Variants in KCNJ6 observed in about 807,000 individuals in gnomAD.
The protein encoded by KCNJ6 is potassium inwardly rectifying channel subfamily J member 6.
A neutral mutation model predicts 34.2 loss-of-function variants in KCNJ6; 9 were observed. The ratio of observed to expected loss-of-function variants is 0.26; its 90% confidence interval spans 0.16 to 0.46. The LOEUF (loss-of-function observed/expected upper bound fraction) is 0.46. Ranked by LOEUF, KCNJ6 falls within the 20% of genes least tolerant of loss-of-function variation. KCNJ6 has a pLI of 1.00. For missense variants in KCNJ6, 236 were observed against 531.3 expected (o/e 0.44, Z 5.46); for synonymous variants, 196 against 207.1 (o/e 0.95, Z 0.46).
intron 2 of KCNJ6, among the ~76,000 whole-genome samples, chr21:37,762,094 T>C (rs949020464): frequency 1.3e-5 from 2 of 152,214 alleles, no homozygotes; most frequent in African/African-American, 4.8e-5. Context: ...CCAGTGTGTG[T>C]GCAGGATTGC....
intron 3 of KCNJ6, among the ~76,000 whole-genome samples, chr21:37,707,630 G>A (rs1466908369): frequency 6.6e-6 from 1 of 151,482 alleles, no homozygotes; most frequent in Non-Finnish European, 1.5e-5. Flanking sequence ...TAACAAACAA[G>A]GTTATAAGTG....
chr21:37,842,707 T>A (rs1011294251), intron 1 of KCNJ6, among the ~76,000 whole-genome samples: 1 of 147,734 alleles, frequency 6.8e-6, no homozygotes, highest in African/African-American at 2.6e-5. Context: ...CAGAGCTGAA[T>A]AAGACAGGCA....
At chr21:37,636,897 T>A (rs989792538) in intron 3 of KCNJ6, among the ~76,000 whole-genome samples, 4 of 152,226 alleles carry the variant, frequency 2.6e-5, no homozygotes, top group African/African-American at 9.6e-5. Flanking sequence ...GAGGATATGA[T>A]TCCAATAAAA....
At chr21:37,781,019 G>A (rs2055166770) in intron 2 of KCNJ6, among the ~76,000 whole-genome samples, 2 of 152,214 alleles carry the variant, frequency 1.3e-5, no homozygotes, top group African/African-American at 2.4e-5. Flanking sequence ...CACGTTAGGG[G>A]AATGGAAAAG....
intron 2 of KCNJ6, among the ~76,000 whole-genome samples, chr21:37,794,780 G>A (rs2055233177): frequency 1.3e-5 from 2 of 151,954 alleles, no homozygotes; most frequent in South Asian, 2.1e-4. Context: ...TAATGCATGT[G>A]GGGCTTAAAA....
At chr21:37,903,047 C>T (rs558845184) in intron 1 of KCNJ6, among the ~76,000 whole-genome samples, 6 of 152,176 alleles carry the variant, frequency 3.9e-5, no homozygotes, top group Admixed American at 6.5e-5. Context: ...ATGCTGTCTG[C>T]GATTTGTTCT....
intron 2 of KCNJ6, among the ~76,000 whole-genome samples, chr21:37,815,032 A>G (rs1444692669): frequency 6.6e-6 from 1 of 152,096 alleles, no homozygotes; most frequent in African/African-American, 2.4e-5. Flanking sequence ...TAAACATCGC[A>G]TGTTCTCACT....
chr21:37,752,024 A>G (rs1162585687), intron 2 of KCNJ6, among the ~76,000 whole-genome samples: 1 of 152,216 alleles, frequency 6.6e-6, no homozygotes, highest in Non-Finnish European at 1.5e-5. Context: ...ATGGAAAGCT[A>G]TCTACAATGT....
chr21:37,801,952 G>T (rs1305808465), intron 2 of KCNJ6, among the ~76,000 whole-genome samples: 1 of 152,186 alleles, frequency 6.6e-6, no homozygotes, highest in East Asian at 1.9e-4. Context: ...TAAAGTAGTA[G>T]TTAGAGTGAC....
chr21:37,903,155 G>A (rs930009361), intron 1 of KCNJ6, among the ~76,000 whole-genome samples: 5 of 152,236 alleles, frequency 3.3e-5, no homozygotes, highest in Middle Eastern at 6.8e-3. Flanking sequence ...TGATTTGGCT[G>A]TATCCCCACC....
intron 2 of KCNJ6, among the ~76,000 whole-genome samples, chr21:37,733,854 C>A (rs2054899428): frequency 6.6e-6 from 1 of 152,150 alleles, no homozygotes; most frequent in Admixed American, 6.5e-5. Context: ...TGATTCTTTT[C>A]CTCCATGGGT....
At chr21:37,750,549 A>G (rs2054990060) in intron 2 of KCNJ6, among the ~76,000 whole-genome samples, 1 of 152,246 alleles carries the variant, frequency 6.6e-6, no homozygotes, top group Non-Finnish European at 1.5e-5. Context: ...CTATGCAGCC[A>G]TAAAAAGGAT....
At chr21:37,794,333 C>T (rs4817891) in intron 2 of KCNJ6, among the ~76,000 whole-genome samples, 72,806 of 152,018 alleles carry the variant, frequency 0.48, 18,093 homozygotes, top group Middle Eastern at 0.55. Flanking sequence ...TCTTAGCTGT[C>T]TAACCTTGAG....
intron 3 of KCNJ6, among the ~76,000 whole-genome samples, chr21:37,700,037 TA>T (rs1278911519): frequency 6.6e-6 from 1 of 152,172 alleles, no homozygotes; most frequent in African/African-American, 2.4e-5. Flanking sequence ...AAAAATCATT[TA>T]TTTTTTTCAT....
At chr21:37,816,462 C>T (rs138350931) in intron 2 of KCNJ6, among the ~76,000 whole-genome samples, 272 of 152,348 alleles carry the variant, frequency 1.8e-3, no homozygotes, top group African/African-American at 6.4e-3. Context: ...ACAGATCACA[C>T]ATTTACAAAC....
chr21:37,650,195 G>A (rs2054426873), intron 3 of KCNJ6, among the ~76,000 whole-genome samples: 1 of 152,174 alleles, frequency 6.6e-6, no homozygotes, highest in African/African-American at 2.4e-5. Flanking sequence ...TTTAGCGTCT[G>A]GCGCCAGTTC....
At chr21:37,775,292 C>A (rs1269435039) in intron 2 of KCNJ6, among the ~76,000 whole-genome samples, 1 of 152,128 alleles carries the variant, frequency 6.6e-6, no homozygotes, top group Non-Finnish European at 1.5e-5. Flanking sequence ...TTCTCCCATT[C>A]TGTAGGTTGC....
In KCNJ6 at chr21:37,837,207, C is replaced by G. The variant is rs144177952; in HGVS notation, c.25+3451G>C. On this transcript the variant is annotated intron_variant, in intron 2 of 3. Transcript: ENST00000609713. Reference sequence around the variant, plus strand: ...TTTTCTTCCCTTCTCCATTTTTTTTCTTATCCTTATCATGCCCGTCCTCGT... The same window carrying G: ...TTTTCTTCCCTTCTCCATTTTTTTTGTTATCCTTATCATGCCCGTCCTCGT... 4.4e-4 allele frequency among the ~76,000 whole-genome samples: 67 copies of G among 151,640 alleles called. No individual in the cohort carries two copies. In the East Asian group the frequency reaches 0.013, roughly 29 times the overall value.
In KCNJ6 at chr21:37,625,280, G is replaced by C; in HGVS notation, c.1151C>G (p.Ser384Cys). ...ATGTTGGTTGAGTTTGCTGGATACA[G>C]ACCAACTCAGGGGCAGCTCTGCCCT... ...ASRAELPLSW[S>C]VSSKLNQHAE... Residue 384 changes from serine to cysteine, a missense_variant, in exon 4 of 4, where the codon TCT becomes TGT. Transcript: ENST00000609713. 1.2e-6 allele frequency: 2 copies of C among 1,614,174 alleles called. No individual in the cohort carries two copies. The highest frequency in any genetic ancestry group is 1.7e-6 in the Non-Finnish European group (2 of 1,180,004).
Sources: gnomAD v4.1 joint callset for allele counts (sites outside exome capture counted in the v4.1 genomes callset) on GRCh38, gnomAD v4.1.1 for gene constraint, MANE v1.5 for transcripts, NCBI Gene and HGNC (gene_info 2026-07-23, HGNC 2026-07-21) for gene names.